GRIP1: variants seen among roughly 807,000 people sequenced by gnomAD.
The protein encoded by GRIP1 is glutamate receptor-interacting protein 1.
In GRIP1, 45 loss-of-function variants were observed where a neutral mutation model predicts 129.9. The ratio of observed to expected loss-of-function variants is 0.35; its 90% CI spans 0.27 to 0.44. The LOEUF is 0.44. GRIP1 is among the 20% of genes least tolerant of loss of function. The probability of loss-of-function intolerance (pLI) is 1.00; values close to 1 mark genes in which losing one functional copy is unlikely to be tolerated. For missense variants in GRIP1, 1,196 were observed against 1,396.8 expected, an observed-to-expected ratio of 0.86 and a Z score of 2.29; for synonymous variants, 530 against 520.8, an observed-to-expected ratio of 1.02 and a Z score of -0.24.
rs372130210 is a variant in GRIP1 at position 67,026,352 on chromosome 12, AT to A, written c.58+42697del. Among the ~76,000 whole-genome samples, 505 of 152,060 alleles carry A rather than the reference AT, an allele frequency of 3.3e-3. 8 individuals are homozygous for A. The highest frequency in any genetic ancestry group is 0.012 in the African/African-American group (481 of 41,460). On this transcript the variant is annotated intron_variant, in intron 1 of 1. Transcript: ENST00000643019. ...ACATTTTCAGCCTTTTGTTGGGAAA[AT>A]TTTTTCTCAAGCTTGTTTTCTACTT...
chr12:66,353,333 G>A (rs1468895069), intron 24 of GRIP1, 84 bp downstream of exon 24: 1 of 937,796 alleles, frequency 1.1e-6, no homozygotes, highest in African/African-American at 1.6e-5. Flanking sequence ...AAGAGCAAAG[G>A]GCCCCAAATA....
chr12:66,582,943 C>T lies in GRIP1; in HGVS notation c.136+13904G>A, dbSNP rs1183490492. On this transcript the variant is annotated intron_variant, in intron 2 of 24. Transcript: ENST00000359742. ...TATGGAACCAAAAAAGAGCCCGCATCGCCAAGTCAATCCTAAGCCAAAAGA... is the reference window on the plus strand; with the variant it reads ...TATGGAACCAAAAAAGAGCCCGCATTGCCAAGTCAATCCTAAGCCAAAAGA... 2.0e-3 allele frequency among the ~76,000 whole-genome samples: 301 copies of T among 149,674 alleles called. 2 individuals carry two copies. The highest frequency in any genetic ancestry group is 6.7e-3 in the African/African-American group (271 of 40,738).
intron 1 of GRIP1, among the ~76,000 whole-genome samples, chr12:66,705,186 A>G (rs955863478): frequency 7.2e-5 from 11 of 152,140 alleles, no homozygotes; most frequent in Non-Finnish European, 1.0e-4. Context: ...TAAGAATAAC[A>G]GCAATGGAAG....
intron 2 of GRIP1, among the ~76,000 whole-genome samples, chr12:66,549,065 C>G (rs1437552266): frequency 2.6e-5 from 4 of 152,292 alleles, no homozygotes; most frequent in African/African-American, 9.6e-5. Flanking sequence ...AATAGAAATA[C>G]TATTGGTGAA....
chr12:66,650,835 G>A (rs1332302365), intron 1 of GRIP1, among the ~76,000 whole-genome samples: 1 of 152,184 alleles, frequency 6.6e-6, no homozygotes, highest in Admixed American at 6.5e-5. Flanking sequence ...ACACAGTAGA[G>A]TTTAGGAGTC....
intron 1 of GRIP1, among the ~76,000 whole-genome samples, chr12:66,781,284 C>T (rs1376311771): frequency 1.3e-5 from 2 of 152,098 alleles, no homozygotes; most frequent in Admixed American, 1.3e-4. Flanking sequence ...GCATCTCTTG[C>T]TAGAAAATGC....
At chr12:66,628,579 CTA>C (rs1444037246) in intron 1 of GRIP1, among the ~76,000 whole-genome samples, 1 of 152,160 alleles carries the variant, frequency 6.6e-6, no homozygotes, top group Non-Finnish European at 1.5e-5. Context: ...CAATTTAGGC[CTA>C]GTTTTCCTTG....
intron 1 of GRIP1, among the ~76,000 whole-genome samples, chr12:66,985,706 T>C (rs2042301641): frequency 6.6e-6 from 1 of 152,192 alleles, no homozygotes; most frequent in Non-Finnish European, 1.5e-5. Flanking sequence ...TTTTCAAAGA[T>C]AAAATGATGT....
intron 2 of GRIP1, chr12:66,568,225 A>G (rs1480121245): frequency 5.4e-6 from 1 of 185,092 alleles, no homozygotes; most frequent in African/African-American, 2.4e-5. Context: ...TGCTAAAATG[A>G]CTTTTTGACA....
intron 1 of GRIP1, among the ~76,000 whole-genome samples, chr12:67,040,711 T>C (rs1035231372): frequency 9.9e-5 from 15 of 152,194 alleles, no homozygotes; most frequent in East Asian, 1.9e-4. Context: ...AATAAAAAAA[T>C]TGAATGAAAT....
chr12:66,932,328 CCTAA>C (rs1283361657), intron 1 of GRIP1, among the ~76,000 whole-genome samples: 3 of 152,166 alleles, frequency 2.0e-5, no homozygotes, highest in Non-Finnish European at 4.4e-5. Flanking sequence ...TTTATTAATA[CCTAA>C]CTGATTTTAC....
chr12:67,060,479 G>A (rs113494089), intron 1 of GRIP1, among the ~76,000 whole-genome samples: 2,203 of 152,238 alleles, frequency 0.014, 51 homozygotes, highest in African/African-American at 0.049. Flanking sequence ...AGCATCAGCA[G>A]TTTACATGTA....
intron 1 of GRIP1, among the ~76,000 whole-genome samples, chr12:66,863,162 C>A (rs779344346): frequency 1.3e-5 from 2 of 152,034 alleles, no homozygotes; most frequent in African/African-American, 2.4e-5. Context: ...AAATTACTTA[C>A]GATTCCCCAA....
At chr12:66,674,599 CT>C (rs2034236948) in intron 1 of GRIP1, among the ~76,000 whole-genome samples, 2 of 152,168 alleles carry the variant, frequency 1.3e-5, no homozygotes, top group African/African-American at 2.4e-5. Context: ...TGAGATTGTT[CT>C]TGTCAGAGAG....
At chr12:66,808,891 C>G (rs919865796), upstream of GRIP1, among the ~76,000 whole-genome samples, 1 of 152,184 alleles carries the variant, frequency 6.6e-6, no homozygotes, top group Admixed American at 6.5e-5. Flanking sequence ...CCTGACTAGC[C>G]AGTCTCAAAA....
intron 1 of GRIP1, among the ~76,000 whole-genome samples, chr12:66,811,570 C>T (rs148048215): frequency 1.8e-4 from 28 of 152,190 alleles, no homozygotes; most frequent in Middle Eastern, 6.8e-3. Flanking sequence ...TTCTATTTCC[C>T]GGAATTCATT....
chr12:66,419,677 G>A (rs752852521), intron 15 of GRIP1, among the ~76,000 whole-genome samples: 3 of 152,254 alleles, frequency 2.0e-5, no homozygotes, highest in Non-Finnish European at 4.4e-5. Context: ...TCTCCCAACT[G>A]TTATGAGAGA....
chr12:66,500,440 T>C (rs1204346146), intron 7 of GRIP1, among the ~76,000 whole-genome samples: 1 of 152,158 alleles, frequency 6.6e-6, no homozygotes, highest in Non-Finnish European at 1.5e-5. Context: ...TGGGAAAGGC[T>C]GGGTAGAGTC....
At position 66,737,732 on chromosome 12, in the gene GRIP1, T is replaced by A. The variant is rs186315475; in HGVS notation, c.-420+66321A>T. Among the ~76,000 whole-genome samples the A allele has an allele frequency of 3.2e-3, 484 of 152,300 alleles. 3 individuals carry two copies. Among genetic ancestry groups the A allele is most frequent in the Middle Eastern group, 0.014 (4 of 294 alleles). ...CTTGCACTCATTTTTTTTTACTCTT[T>A]TATTTTGCCCATTCTTTCCACAAAT... On this transcript the variant is annotated intron_variant, in intron 1 of 4. Coordinates refer to the GRIP1 transcript ENST00000538373.
Sources: allele counts gnomAD v4.1 joint callset (sites outside exome capture counted in the v4.1 genomes callset), GRCh38; gene constraint gnomAD v4.1.1; transcripts MANE v1.5; gene names NCBI Gene and HGNC (gene_info 2026-07-23, HGNC 2026-07-21).